ZNF577: variants seen among roughly 807,000 people sequenced by gnomAD.
ZNF577 encodes zinc finger protein 577.
In ZNF577, 14 loss-of-function variants were observed where a neutral mutation model predicts 13.9. That is an observed-to-expected ratio of 1.00 (90% confidence interval 0.66 to 1.57). The LOEUF (loss-of-function observed/expected upper bound fraction) is 1.57. ZNF577 is among the 40% of genes most tolerant of loss of function. ZNF577 has a pLI of 0.00. For synonymous variants in ZNF577, 203 were observed against 202.9 expected, an observed-to-expected ratio of 1.00 and a Z score of 0.00; for missense variants, 555 against 579.2, an observed-to-expected ratio of 0.96 and a Z score of 0.43.
intron 5 of ZNF577, among the ~76,000 whole-genome samples, chr19:51,856,194 T>C (rs1416523259): frequency 6.6e-6 from 1 of 152,236 alleles, no homozygotes; most frequent in Non-Finnish European, 1.5e-5. Flanking sequence ...TATCACATAA[T>C]TTATTTTTTG....
At chr19:51,882,997 T>A in intron 1 of ZNF577, among the ~76,000 whole-genome samples, 1 of 145,930 alleles carries the variant, frequency 6.9e-6, no homozygotes, top group African/African-American at 2.7e-5. Context: ...AAAAAAATTT[T>A]TTTTTTTTTT....
At chr19:51,882,353 G>C (rs977221564) in intron 1 of ZNF577, among the ~76,000 whole-genome samples, 1 of 151,904 alleles carries the variant, frequency 6.6e-6, no homozygotes, top group Non-Finnish European at 1.5e-5. Context: ...TGACTGGTAA[G>C]GATAATCTGG....
chr19:51,814,350 C>A (rs1257310814), intron 9 of ZNF577, among the ~76,000 whole-genome samples: 1 of 152,170 alleles, frequency 6.6e-6, no homozygotes, highest in Non-Finnish European at 1.5e-5. Flanking sequence ...TGTCTATTAA[C>A]TAATCCTTAG....
At chr19:51,813,311 C>A (rs2084111191) in intron 9 of ZNF577, among the ~76,000 whole-genome samples, 1 of 152,066 alleles carries the variant, frequency 6.6e-6, no homozygotes, top group Non-Finnish European at 1.5e-5. Context: ...GCCTATAGGA[C>A]TCTTATAAGG....
intron 10 of ZNF577, among the ~76,000 whole-genome samples, chr19:51,808,643 G>A (rs2084076670): frequency 6.6e-6 from 1 of 152,134 alleles, no homozygotes. Flanking sequence ...TATCCTTCTC[G>A]TGTAAGGGTG....
At chr19:51,843,643 G>T (rs1285606431) in intron 6 of ZNF577, among the ~76,000 whole-genome samples, 21 of 152,140 alleles carry the variant, frequency 1.4e-4, no homozygotes, top group Admixed American at 1.4e-3. Context: ...AACAATAAAG[G>T]TTAGTCCTTC....
intron 5 of ZNF577, chr19:51,861,058 T>C: frequency 2.6e-6 from 1 of 382,636 alleles, no homozygotes; most frequent in South Asian, 1.9e-5. Context: ...AATGGAAAGC[T>C]TCTAGTTTTC....
At chr19:51,808,888 A>C (rs188163361) in intron 10 of ZNF577, among the ~76,000 whole-genome samples, 309 of 152,336 alleles carry the variant, frequency 2.0e-3, no homozygotes, top group Non-Finnish European at 3.7e-3. Context: ...CTGAAGTTGC[A>C]TCAGGTTCTC....
At chr19:51,830,566 T>C (rs1033964870) in intron 9 of ZNF577, among the ~76,000 whole-genome samples, 2 of 152,194 alleles carry the variant, frequency 1.3e-5, no homozygotes, top group African/African-American at 4.8e-5. Context: ...TCCAATGGAG[T>C]AAATCTAAGT....
chr19:51,845,886 T>G (rs1395013004), intron 5 of ZNF577, among the ~76,000 whole-genome samples: 1 of 152,240 alleles, frequency 6.6e-6, no homozygotes, highest in Non-Finnish European at 1.5e-5. Context: ...ACACCTAGGT[T>G]GATTACCTCT....
downstream of ZNF577, among the ~76,000 whole-genome samples, chr19:51,866,216 T>A (rs2084562065): frequency 6.6e-6 from 1 of 151,774 alleles, no homozygotes; most frequent in African/African-American, 2.4e-5. Flanking sequence ...ATGGGAGGTG[T>A]CTATGAACAG....
chr19:51,831,512 CCTGACTT>C (rs139518019), intron 9 of ZNF577, among the ~76,000 whole-genome samples: 10,515 of 152,220 alleles, frequency 0.069, 1,052 homozygotes, highest in African/African-American at 0.23. Context: ...TCCACTACCA[CCTGACTT>C]CAAACCATCA....
intron 5 of ZNF577, among the ~76,000 whole-genome samples, chr19:51,874,227 G>A (rs1194431317): frequency 6.6e-6 from 1 of 152,146 alleles, no homozygotes; most frequent in Non-Finnish European, 1.5e-5. Context: ...AACAAACACT[G>A]AATAGACTGG....
chr19:51,872,562 G>A lies in ZNF577; in HGVS notation c.1428C>T (p.Ile476=). 6.2e-7 allele frequency: 1 copy of A among 1,604,240 alleles called. No homozygotes were observed. The highest frequency in any genetic ancestry group is 1.1e-5 in the South Asian group (1 of 89,326). ...CTGATACAATATCTGTAAGATACAAGATATAATTTATTACTGATGGGGCCA... is the reference window on the plus strand; with the variant it reads ...CTGATACAATATCTGTAAGATACAAAATATAATTTATTACTGATGGGGCCA... The part of the protein sequence containing the change: ...VNVAPSVINY[I]LYLTDIVSE Residue 476 remains isoleucine (I), a synonymous_variant, in exon 6 of 6, where the codon ATC becomes ATT. Coordinates refer to ENST00000638348, the MANE Select transcript of ZNF577 (RefSeq NM_001370449.1).
intron 5 of ZNF577, chr19:51,861,929 GT>G (rs1341839363): frequency 1.3e-5 from 2 of 152,106 alleles, no homozygotes; most frequent in African/African-American, 4.8e-5. Flanking sequence ...TATAATGAGA[GT>G]TGACTTACAG....
At chr19:51,878,134 G>A (rs181255451) in intron 4 of ZNF577, 14 of 233,928 alleles carry the variant, frequency 6.0e-5, no homozygotes, top group Non-Finnish European at 5.0e-5. Flanking sequence ...TTGTTGTTTT[G>A]TGGGTACAGA....
At chr19:51,865,655 C>T (rs1568444776), downstream of ZNF577, among the ~76,000 whole-genome samples, 1 of 152,212 alleles carries the variant, frequency 6.6e-6, no homozygotes, top group East Asian at 1.9e-4. Flanking sequence ...CATCAATGAT[C>T]TAGGTATCTG....
At chr19:51,823,692 T>C in intron 9 of ZNF577, 2 of 1,395,668 alleles carry the variant, frequency 1.4e-6, no homozygotes, top group Non-Finnish European at 9.8e-7. Flanking sequence ...AGTTGTATTG[T>C]AAGATGGTGT....
intron 9 of ZNF577, among the ~76,000 whole-genome samples, chr19:51,821,762 G>A (rs893337541): frequency 2.0e-5 from 3 of 151,884 alleles, no homozygotes; most frequent in Middle Eastern, 3.4e-3. Context: ...TCCACTGACC[G>A]GCTGGACATG....
Sources: gnomAD v4.1 joint callset for allele counts (sites outside exome capture counted in the v4.1 genomes callset) on GRCh38, gnomAD v4.1.1 for gene constraint, MANE v1.5 for transcripts, NCBI Gene and HGNC (gene_info 2026-07-23, HGNC 2026-07-21) for gene names.